PDE10A: variants seen among roughly 807,000 people sequenced by gnomAD.
The protein encoded by PDE10A is cAMP and cAMP-inhibited cGMP 3',5'-cyclic phosphodiesterase 10A.
A neutral mutation model predicts 97.7 loss-of-function variants in PDE10A; 39 were observed. The observed-to-expected ratio is 0.40, with a 90% confidence interval of 0.31 to 0.52. The LOEUF (loss-of-function observed/expected upper bound fraction) is 0.52, where lower values mean the gene tolerates loss of function less well. PDE10A is among the 20% of genes least tolerant of loss of function. PDE10A has a pLI of 0.56. For missense variants in PDE10A, 731 were observed against 1,047.8 expected, an observed-to-expected ratio of 0.70 and a Z score of 4.17; for synonymous variants, 371 against 376.8, an observed-to-expected ratio of 0.98 and a Z score of 0.18.
At chr6:165,598,120 G>GA (rs979482591) in intron 1 of PDE10A, among the ~76,000 whole-genome samples, 1 of 151,962 alleles carries the variant, frequency 6.6e-6, no homozygotes, top group South Asian at 2.1e-4. Context: ...TTGTTGAGGG[G>GA]AAAAAAACCC....
At chr6:165,344,898 T>C (rs907716966) in intron 18 of PDE10A, among the ~76,000 whole-genome samples, 2 of 152,206 alleles carry the variant, frequency 1.3e-5, no homozygotes, top group Non-Finnish European at 2.9e-5. Context: ...AGATGCTATG[T>C]GAAGATCCAA....
At chr6:165,729,705 A>G (rs1420511731) in intron 1 of PDE10A, among the ~76,000 whole-genome samples, 2 of 152,168 alleles carry the variant, frequency 1.3e-5, no homozygotes, top group Non-Finnish European at 2.9e-5. Flanking sequence ...CTTTTAAACA[A>G]TTACAAAAGA....
rs1392156937 is a variant in PDE10A, at chr6:165,737,419, G to A, written c.-614-193851C>T. On this transcript the variant is annotated intron_variant, in intron 1 of 19. Transcript: ENST00000366882. ...AGATACTAGGAAACCAAAATTAGTAGCACATTAAGAGGATTATTCACCATG... is the reference window on the plus strand; with the variant it reads ...AGATACTAGGAAACCAAAATTAGTAACACATTAAGAGGATTATTCACCATG... Among the ~76,000 whole-genome samples the A allele has an allele frequency of 3.3e-5, 5 of 152,154 alleles. No homozygotes were observed. In the South Asian group the frequency reaches 6.2e-4, roughly 19 times the overall value.
At chr6:165,743,027 T>A (rs1792764918) in intron 1 of PDE10A, among the ~76,000 whole-genome samples, 1 of 152,182 alleles carries the variant, frequency 6.6e-6, no homozygotes, top group African/African-American at 2.4e-5. Context: ...GGTGGCTGGC[T>A]CTTCCCAGGC....
chr6:165,970,915 G>A (rs1261227704), intron 1 of PDE10A, among the ~76,000 whole-genome samples: 1 of 152,226 alleles, frequency 6.6e-6, no homozygotes. Flanking sequence ...GGGAGGCCAA[G>A]GCAGGTGGAT....
chr6:165,556,712 A>G (rs1784272856), intron 1 of PDE10A, among the ~76,000 whole-genome samples: 1 of 152,208 alleles, frequency 6.6e-6, no homozygotes, highest in Non-Finnish European at 1.5e-5. Flanking sequence ...GTGGACAAGC[A>G]TATCGGCTAT....
intron 1 of PDE10A, among the ~76,000 whole-genome samples, chr6:165,829,188 A>G (rs1264860615): frequency 6.6e-6 from 1 of 152,190 alleles, no homozygotes; most frequent in Admixed American, 6.5e-5. Flanking sequence ...TCTCCAGCGC[A>G]TCAGAGCCCT....
intron 1 of PDE10A, among the ~76,000 whole-genome samples, chr6:165,857,231 C>A (rs1477874166): frequency 1.3e-5 from 2 of 152,116 alleles, no homozygotes; most frequent in Non-Finnish European, 2.9e-5. Flanking sequence ...CCTAAGACTC[C>A]ATCTCAGTCG....
intron 1 of PDE10A, among the ~76,000 whole-genome samples, chr6:165,982,216 G>A (rs1486324762): frequency 6.6e-6 from 1 of 152,144 alleles, no homozygotes; most frequent in Non-Finnish European, 1.5e-5. Context: ...GAACGCGTGA[G>A]TCGGTCATGC....
At chr6:165,803,662 T>A (rs2128465926) in intron 1 of PDE10A, among the ~76,000 whole-genome samples, 1 of 152,338 alleles carries the variant, frequency 6.6e-6, no homozygotes, top group African/African-American at 2.4e-5. Context: ...TCTGAGACAG[T>A]TCCTATAGTG....
At chr6:165,629,886 T>C (rs903244499) in intron 1 of PDE10A, among the ~76,000 whole-genome samples, 14 of 138,386 alleles carry the variant, frequency 1.0e-4, no homozygotes, top group Middle Eastern at 4.1e-3. Flanking sequence ...TTGTTTTTTT[T>C]TAATTAAAGA....
At chr6:165,715,593 C>G (rs1275488008) in intron 1 of PDE10A, among the ~76,000 whole-genome samples, 2 of 152,100 alleles carry the variant, frequency 1.3e-5, no homozygotes, top group East Asian at 3.9e-4. Flanking sequence ...GAGACACGCA[C>G]CCATGCACAT....
intron 1 of PDE10A, among the ~76,000 whole-genome samples, chr6:165,605,462 T>G (rs1168215594): frequency 1.3e-5 from 2 of 152,230 alleles, no homozygotes; most frequent in Admixed American, 6.5e-5. Context: ...TTTCACAGTT[T>G]GTTCATGCTA....
At chr6:165,764,824 C>T (rs1017125744) in intron 1 of PDE10A, among the ~76,000 whole-genome samples, 1 of 152,150 alleles carries the variant, frequency 6.6e-6, no homozygotes, top group South Asian at 2.1e-4. Flanking sequence ...GAAGGGGACC[C>T]GAGCGGGTTG....
chr6:165,517,717 G>C (rs9348010), intron 2 of PDE10A, among the ~76,000 whole-genome samples: 2 of 152,046 alleles, frequency 1.3e-5, no homozygotes, highest in African/African-American at 4.8e-5. Flanking sequence ...TGCCAAGGAC[G>C]GGGTGAATGG....
chr6:165,465,595 T>C (rs1778592050), intron 3 of PDE10A, among the ~76,000 whole-genome samples: 1 of 152,160 alleles, frequency 6.6e-6, no homozygotes, highest in Non-Finnish European at 1.5e-5. Flanking sequence ...TGACTTATAG[T>C]TCCACATGAC....
chr6:165,656,105 G>T (rs1355998616), intron 1 of PDE10A, among the ~76,000 whole-genome samples: 2 of 151,788 alleles, frequency 1.3e-5, no homozygotes, highest in Non-Finnish European at 2.9e-5. Context: ...CCAGAGTGTG[G>T]GCACCATACA....
intron 18 of PDE10A, among the ~76,000 whole-genome samples, chr6:165,362,783 T>C (rs911086507): frequency 6.6e-6 from 1 of 152,152 alleles, no homozygotes; most frequent in Non-Finnish European, 1.5e-5. Flanking sequence ...CAGACCAGTA[T>C]AATTTATGAA....
chr6:165,372,693 A>C (rs1784341066), intron 18 of PDE10A, among the ~76,000 whole-genome samples: 1 of 144,564 alleles, frequency 6.9e-6, no homozygotes, highest in African/African-American at 2.7e-5. Flanking sequence ...CCATCAAGCT[A>C]CCAATGACTT....
Sources: allele counts gnomAD v4.1 joint callset (sites outside exome capture counted in the v4.1 genomes callset), GRCh38; gene constraint gnomAD v4.1.1; transcripts MANE v1.5; gene names NCBI Gene and HGNC (gene_info 2026-07-23, HGNC 2026-07-21).